RPGRIP1L: variants seen among roughly 807,000 people sequenced by gnomAD.
RPGRIP1L encodes the protein RPGRIP1 like.
Under a neutral mutation model 160.4 loss-of-function variants are expected in RPGRIP1L, and 131 were observed. The ratio of observed to expected loss-of-function variants is 0.82; its 90% CI spans 0.71 to 0.94. The LOEUF (loss-of-function observed/expected upper bound fraction) is 0.94. RPGRIP1L is among the 40% of genes least tolerant of loss of function. RPGRIP1L has a pLI of 0.00. For missense variants in RPGRIP1L, 1,522 were observed against 1,535.8 expected (o/e 0.99, Z 0.15); for synonymous variants, 510 against 515.8 (o/e 0.99, Z 0.15).
At chr16:53,699,313 CTGACCTTCCCTCCACTATTGTCCTA>C (rs1382641739) in intron 2 of RPGRIP1L, among the ~76,000 whole-genome samples, 1 of 147,626 alleles carries the variant, frequency 6.8e-6, no homozygotes, top group Admixed American at 6.9e-5. Context: ...TGTTTATCTG[CTGACCTTCCCTCCACTATTGTCCTA>C]TGACCCTGCC....
chr16:53,685,350 A>C (rs905899691), intron 6 of RPGRIP1L, among the ~76,000 whole-genome samples: 6 of 152,248 alleles, frequency 3.9e-5, no homozygotes. Flanking sequence ...AAATCCCATT[A>C]CTGGGTATAT....
intron 24 of RPGRIP1L, among the ~76,000 whole-genome samples, chr16:53,616,104 T>C (rs1964363797): frequency 6.6e-6 from 1 of 152,206 alleles, no homozygotes; most frequent in Non-Finnish European, 1.5e-5. Flanking sequence ...CTAACCTCTC[T>C]ACTGCATGCT....
chr16:53,693,894 T>G (rs1970560065), intron 3 of RPGRIP1L: 1 of 152,196 alleles, frequency 6.6e-6, no homozygotes, highest in African/African-American at 2.4e-5. Flanking sequence ...AGATGTAGAT[T>G]ACATTCAAAA....
chr16:53,672,304 T>C (rs1032031867), intron 8 of RPGRIP1L, among the ~76,000 whole-genome samples: 1 of 151,868 alleles, frequency 6.6e-6, no homozygotes, highest in Non-Finnish European at 1.5e-5. Context: ...AATTCTCTTT[T>C]GATGCTAGTA....
intron 22 of RPGRIP1L, among the ~76,000 whole-genome samples, chr16:53,624,424 G>C (rs899666679): frequency 6.6e-6 from 1 of 151,960 alleles, no homozygotes; most frequent in Non-Finnish European, 1.5e-5. Flanking sequence ...GTGGTGGCAC[G>C]CGCCTGGTAC....
intron 14 of RPGRIP1L, among the ~76,000 whole-genome samples, chr16:53,654,551 C>T (rs999710816): frequency 6.6e-6 from 1 of 152,148 alleles, no homozygotes; most frequent in South Asian, 2.1e-4. Context: ...TTCCTTGATA[C>T]CTTTAGATTT....
chr16:53,677,457 A>C (rs1200389149), intron 6 of RPGRIP1L, among the ~76,000 whole-genome samples: 3 of 152,108 alleles, frequency 2.0e-5, no homozygotes, highest in Non-Finnish European at 2.9e-5. Context: ...TCATGTAACA[A>C]TGAGAAGAGG....
chr16:53,701,382 C>G (rs1337309273), intron 1 of RPGRIP1L, among the ~76,000 whole-genome samples: 1 of 151,740 alleles, frequency 6.6e-6, no homozygotes, highest in Non-Finnish European at 1.5e-5. Context: ...TGCCATGAGG[C>G]CTAGGTCTCA....
At chr16:53,632,687 G>T (rs1313740464) in intron 22 of RPGRIP1L, among the ~76,000 whole-genome samples, 1 of 152,086 alleles carries the variant, frequency 6.6e-6, no homozygotes, top group Non-Finnish European at 1.5e-5. Context: ...TAATAGGCTT[G>T]GCCCATCCTG....
intron 10 of RPGRIP1L, chr16:53,659,664 C>T (rs970982782): frequency 1.3e-5 from 2 of 152,026 alleles, no homozygotes; most frequent in African/African-American, 4.8e-5. Flanking sequence ...AGGAGGATCC[C>T]TTAAGTCCAG....
intron 2 of RPGRIP1L, among the ~76,000 whole-genome samples, chr16:53,697,311 ATCTCCCTCTCCC>A (rs200883006): frequency 5.6e-4 from 85 of 151,274 alleles, no homozygotes; most frequent in African/African-American, 1.5e-3. Flanking sequence ...AAGTTTATCA[ATCTCCCTCTCCC>A]TCTCCCTCTC....
intron 1 of RPGRIP1L, among the ~76,000 whole-genome samples, chr16:53,702,945 T>G (rs1213911457): frequency 6.6e-6 from 1 of 152,232 alleles, no homozygotes; most frequent in Non-Finnish European, 1.5e-5. Flanking sequence ...GAACAGTGCC[T>G]GGTACAGGGT....
intron 9 of RPGRIP1L, among the ~76,000 whole-genome samples, chr16:53,667,929 A>C (rs1011109629): frequency 2.6e-5 from 4 of 151,866 alleles, no homozygotes; most frequent in African/African-American, 9.7e-5. Context: ...CTTGTGGCAC[A>C]TGCCTGTAGT....
chr16:53,695,024 C>A, intron 3 of RPGRIP1L: 1 of 314,298 alleles, frequency 3.2e-6, no homozygotes, highest in East Asian at 5.5e-5. Context: ...AGAATGCATA[C>A]ATACAACTTG....
chr16:53,699,817 C>CAA (rs71146704), intron 2 of RPGRIP1L, among the ~76,000 whole-genome samples: 5,957 of 92,832 alleles, frequency 0.064, 356 homozygotes, highest in East Asian at 0.32. Flanking sequence ...GACTTCGTCT[C>CAA]AAAAAAAAAA....
At chr16:53,610,414 T>C (rs1963954052) in intron 25 of RPGRIP1L, among the ~76,000 whole-genome samples, 1 of 152,196 alleles carries the variant, frequency 6.6e-6, no homozygotes, top group Non-Finnish European at 1.5e-5. Context: ...ACAATAATAT[T>C]AATGTCACTA....
intron 16 of RPGRIP1L, among the ~76,000 whole-genome samples, chr16:53,646,540 C>T (rs1350915450): frequency 6.6e-6 from 1 of 151,952 alleles, no homozygotes; most frequent in Non-Finnish European, 1.5e-5. Flanking sequence ...GAGCCAGGAC[C>T]GGGAGGATAC....
chr16:53,638,313 G>A lies in RPGRIP1L; in HGVS notation c.3057C>T (p.Pro1019=). 1 of 1,531,748 alleles carries A rather than the reference G, an allele frequency of 6.5e-7. No individual in the cohort carries two copies. Among genetic ancestry groups the A allele is most frequent in the Non-Finnish European group, 9.0e-7 (1 of 1,105,822 alleles). The allele number at this position is 1,531,748 out of a possible 1,614,324, so 94.9% of individuals were successfully genotyped here. A position where few individuals can be genotyped will look rare whatever the true frequency, so the allele number is the denominator to read the frequency against. The change falls in exon 20 of 27, where the codon CCC becomes CCT. Residue 1019 remains proline, a synonymous_variant. Transcript: ENST00000647211. The part of the protein sequence containing the change: ...EINMLTVPHV[P]KVSQEGSVDE... ...TAATTTTAACACAAATGCATACCTT[G>A]GGAACATGTGGAACAGTCAGCATAT... is the stretch of plus-strand genomic sequence containing the variant.
Position 53,601,707 on chromosome 16 carries a change from G to T in RPGRIP1L, c.*369C>A. 4.5e-6 allele frequency: 1 copy of T among 223,140 alleles called. No individual in the cohort carries two copies. The highest frequency in any genetic ancestry group is 9.1e-6 in the Non-Finnish European group (1 of 109,648). 13.8% of individuals were successfully genotyped at this position (223,140 alleles called of 1,614,324 possible). ...ACATAAAAGTATTTCTTTTTCATAG[G>T]TTTTCTAAGATTTATGCTTTTGCTT... On this transcript the variant is annotated 3_prime_UTR_variant, in exon 27 of 27. Transcript: ENST00000647211.
Sources: gnomAD v4.1 joint callset for allele counts (sites outside exome capture counted in the v4.1 genomes callset) on GRCh38, gnomAD v4.1.1 for gene constraint, MANE v1.5 for transcripts, NCBI Gene and HGNC (gene_info 2026-07-23, HGNC 2026-07-21) for gene names.